Variants in CABIN1 observed in about 807,000 individuals in gnomAD.
CABIN1 encodes calcineurin binding protein 1.
CABIN1 carries 133 observed loss-of-function variants against 227.7 expected under a neutral mutation model. The ratio of observed to expected loss-of-function variants is 0.58; its 90% CI spans 0.51 to 0.67. CABIN1 has a LOEUF of 0.67. Ranked by LOEUF, CABIN1 falls within the 30% of genes least tolerant of loss-of-function variation. The pLI, the probability that CABIN1 is intolerant of heterozygous loss-of-function variation, is 0.00. For missense variants in CABIN1, 2,408 were observed against 2,852.5 expected (o/e 0.84, Z 3.55); for synonymous variants, 1,086 against 1,155.1 (o/e 0.94, Z 1.21).
chr22:24,084,809 TG>T, intron 21 of CABIN1, 24 bp downstream of exon 21: 1 of 1,610,398 alleles, frequency 6.2e-7, no homozygotes. Context: ...CTTGAGGACG[TG>T]GGGGACAGGG....
chr22:24,178,435 C>T lies in CABIN1; in HGVS notation c.*239C>T, dbSNP rs2047236166. On this transcript the variant is annotated 3_prime_UTR_variant, in exon 37 of 37. Coordinates refer to ENST00000263119, the MANE Select transcript of CABIN1 (RefSeq NM_012295.4). ...TAGCCATGTGAAGGTGGATTGGTCG[C>T]CATCTGCACGCCAGGCGGCATCCTT... 1.8e-6 allele frequency: 1 copy of T among 560,078 alleles called. No individual in the cohort carries two copies. The highest frequency in any genetic ancestry group is 1.9e-5 in the African/African-American group (1 of 53,136). 34.7% of individuals were successfully genotyped at this position (560,078 alleles called of 1,614,324 possible). A position where few individuals can be genotyped will look rare whatever the true frequency, so the allele number is the denominator to read the frequency against.
rs2040203375 is a variant in CABIN1, at chr22:24,073,057, A to C, written c.2632+547A>C. ...AAGCCATGAATCACCATGGTGGGTC[A>C]GTGCCTGGCTCATGGTGGGTGCTGA... On this transcript the variant is annotated intron_variant, in intron 18 of 36. Transcript: ENST00000263119. 3.3e-5 allele frequency among the ~76,000 whole-genome samples: 5 copies of C among 152,318 alleles called. No individual in the cohort carries two copies. The South Asian group carries it at 8.3e-4, about 25-fold the overall frequency.
At chr22:24,056,427 A>C in intron 10 of CABIN1, 67 bp downstream of exon 10, 1 of 1,503,736 alleles carries the variant, frequency 6.7e-7, no homozygotes, top group Non-Finnish European at 9.3e-7. Flanking sequence ...CATCAGTAAC[A>C]TTTCTCATTC....
At chr22:24,066,793 A>G (rs1405986990) in intron 15 of CABIN1, among the ~76,000 whole-genome samples, 194 bp from the exon 16 acceptor site, 1 of 152,262 alleles carries the variant, frequency 6.6e-6, no homozygotes, top group Non-Finnish European at 1.5e-5. Flanking sequence ...CTAGCCATTA[A>G]TAGAAATACT....
In CABIN1 at chr22:24,122,686, C is replaced by T. The variant is rs181534420; in HGVS notation, c.4632+2988C>T. Among the ~76,000 whole-genome samples, 213 of 151,584 alleles carry T rather than the reference C, an allele frequency of 1.4e-3. 4 individuals are homozygous for T. The South Asian group carries it at 0.032, about 23-fold the overall frequency. On this transcript the variant is annotated intron_variant, in intron 28 of 36. Coordinates refer to ENST00000263119, the MANE Select transcript of CABIN1 (RefSeq NM_012295.4). ...TCACGTCATTTCACTCCAGCCTGGG[C>T]GAAAGACCAAAACTCCCTCTAAAAA...
At chr22:24,019,612 A>G (rs557993006) in intron 1 of CABIN1, among the ~76,000 whole-genome samples, 1 of 139,474 alleles carries the variant, frequency 7.2e-6, no homozygotes, top group South Asian at 2.3e-4. Flanking sequence ...CAGGTAGTAT[A>G]TCATATTATC....
At chr22:24,087,394 A>G in intron 22 of CABIN1, 58 bp from the exon 23 acceptor site, 2 of 1,605,040 alleles carry the variant, frequency 1.2e-6, no homozygotes, top group Middle Eastern at 1.8e-4. Flanking sequence ...GGCTGTCATT[A>G]TCTTCCATGC....
rs2039307586 is a variant in CABIN1, at chr22:24,062,987, G to A, written c.1725G>A (p.Met575Ile). The A allele has an allele frequency of 6.2e-7, 1 of 1,614,098 alleles. No homozygotes were observed. The highest frequency in any genetic ancestry group is 2.2e-5 in the East Asian group (1 of 44,900). The change falls in exon 14 of 37, where the codon ATG (methionine) becomes ATA (isoleucine). Residue 575 changes from methionine (M) to isoleucine (I), a missense_variant. By Grantham distance (10) the Met-to-Ile change is conservative. This residue lies in a region of CABIN1 where 1,045 missense variants were observed against 1,168.4 expected (regional missense o/e 0.89). Transcript: ENST00000263119. Reference sequence around the variant, plus strand: ...CTCCTCGGAACTGCCCTGCTGGTATGGTGAATGGCAGATTTGGACCTGACT... The same window carrying A: ...CTCCTCGGAACTGCCCTGCTGGTATAGTGAATGGCAGATTTGGACCTGACT... ...AVSPRNCPAGMVNGRFGPDFP... is the reference protein window; with the variant it reads ...AVSPRNCPAGIVNGRFGPDFP...
intron 26 of CABIN1, among the ~76,000 whole-genome samples, chr22:24,099,928 G>A (rs538931859): frequency 1.8e-4 from 27 of 152,306 alleles, no homozygotes; most frequent in African/African-American, 3.6e-4. Context: ...AGGCAGGAGC[G>A]CCTCAGAAAG....
intron 32 of CABIN1, among the ~76,000 whole-genome samples, chr22:24,167,916 C>T (rs1299511206): frequency 6.6e-6 from 1 of 152,184 alleles, no homozygotes; most frequent in Non-Finnish European, 1.5e-5. Context: ...CTATCACCAT[C>T]AGGCCTGGGA....
chr22:24,113,955 C>T (rs770091946), intron 27 of CABIN1, among the ~76,000 whole-genome samples: 1 of 152,212 alleles, frequency 6.6e-6, no homozygotes, highest in Non-Finnish European at 1.5e-5. Flanking sequence ...AGGGTGCACA[C>T]AGAGCCCAGC....
intron 19 of CABIN1, 105 bp downstream of exon 19, chr22:24,076,389 G>A: frequency 1.1e-6 from 1 of 884,162 alleles, no homozygotes; most frequent in Non-Finnish European, 1.9e-6. Flanking sequence ...GGGCTTGCTT[G>A]GCCTTCCCTC....
Position 24,178,588 on chromosome 22 carries a change from A to C in CABIN1, c.*392A>C. On this transcript the variant is annotated 3_prime_UTR_variant, in exon 37 of 37. Coordinates refer to ENST00000263119, the MANE Select transcript of CABIN1 (RefSeq NM_012295.4). ...TCCTTTAGGGCCAGGCTCACCCCTC[A>C]CCCTTTTTTTGGTTGCTTTTCTAAT... 7.1e-6 allele frequency: 2 copies of C among 280,580 alleles called. No individual in the cohort carries two copies. The highest frequency in any genetic ancestry group is 1.4e-5 in the Non-Finnish European group (2 of 143,324). The allele number at this position is 280,580 out of a possible 1,614,324, so 17.4% of individuals were successfully genotyped here.
At position 24,134,299 on chromosome 22, in the gene CABIN1, C is replaced by G; in HGVS notation, c.4633-3C>G. On this transcript the variant is annotated splice_region_variant and splice_polypyrimidine_tract_variant and intron_variant, in intron 28 of 36. Transcript: ENST00000263119. ...ACTTTCAACCTACTTCTTGTTTCCC[C>G]AGAACCTCCAGTGGGCCCGCGACGT... The G allele has an allele frequency of 6.2e-7, 1 of 1,612,502 alleles. No homozygotes were observed. Among genetic ancestry groups the G allele is most frequent in the Non-Finnish European group, 8.5e-7 (1 of 1,178,898 alleles).
At chr22:24,160,725 G>A (rs2046103397) in intron 29 of CABIN1, among the ~76,000 whole-genome samples, 1 of 152,216 alleles carries the variant, frequency 6.6e-6, no homozygotes, top group African/African-American at 2.4e-5. Flanking sequence ...TTGGCCTGTT[G>A]GCCGGGAATA....
intron 28 of CABIN1, among the ~76,000 whole-genome samples, chr22:24,133,809 G>GCCTGGATTCCACCAAGAGGCTCTTTGC (rs2044221732): frequency 2.0e-5 from 3 of 152,196 alleles, no homozygotes; most frequent in Non-Finnish European, 4.4e-5. Flanking sequence ...TCTCCCCTGG[G>GCCTGGATTCCACCAAGAGGCTCTTTGC]CCTGGATTCC....
intron 33 of CABIN1, 57 bp downstream of exon 33, chr22:24,168,578 G>A: frequency 1.5e-6 from 2 of 1,326,408 alleles, no homozygotes; most frequent in Middle Eastern, 1.8e-4. Context: ...CCATATCAAG[G>A]CCCTAGGATG....
intron 28 of CABIN1, among the ~76,000 whole-genome samples, chr22:24,127,491 T>G (rs962759297): frequency 1.1e-4 from 16 of 152,144 alleles, no homozygotes; most frequent in Non-Finnish European, 2.1e-4. Context: ...GTAGTCTGAT[T>G]CTAGATGGAT....
At chr22:24,079,130 A>G (rs911002876) in intron 19 of CABIN1, among the ~76,000 whole-genome samples, 1 of 152,190 alleles carries the variant, frequency 6.6e-6, no homozygotes. Flanking sequence ...ATTAAAATAG[A>G]AAGTATAGTG....
Sources: gnomAD v4.1 joint callset for allele counts (sites outside exome capture counted in the v4.1 genomes callset) on GRCh38, gnomAD v4.1.1 for gene constraint, gnomAD v4.1.1 regional missense constraint, MANE v1.5 for transcripts, NCBI Gene and HGNC (gene_info 2026-07-23, HGNC 2026-07-21) for gene names.